Variants in IFT74 observed in about 807,000 individuals in gnomAD.
IFT74 encodes the protein intraflagellar transport protein 74 homolog.
In IFT74, 92 loss-of-function variants were observed where a neutral mutation model predicts 96.7. The ratio of observed to expected loss-of-function variants is 0.95; its 90% CI spans 0.80 to 1.13. The LOEUF is 1.13. Ranked by LOEUF, IFT74 falls within the 50% of genes most tolerant of loss-of-function variation. The pLI is 0.00. For synonymous variants in IFT74, 223 were observed against 213.2 expected (o/e 1.05, Z -0.40); for missense variants, 811 against 698.2 (o/e 1.16, Z -1.82).
At chr9:26,953,495 A>G (rs909355948), upstream of IFT74, among the ~76,000 whole-genome samples, 3 of 152,220 alleles carry the variant, frequency 2.0e-5, no homozygotes, top group African/African-American at 7.2e-5. Context: ...GTCAAAGGAC[A>G]TGTGCATTTG....
intron 14 of IFT74, among the ~76,000 whole-genome samples, chr9:27,045,048 A>G (rs992900522): frequency 6.6e-6 from 1 of 152,212 alleles, no homozygotes; most frequent in Non-Finnish European, 1.5e-5. Context: ...CGTAGTCTGT[A>G]CAGAGGAAAC....
At chr9:26,990,473 A>G (rs1827815582) in intron 8 of IFT74, among the ~76,000 whole-genome samples, 1 of 152,182 alleles carries the variant, frequency 6.6e-6, no homozygotes, top group Non-Finnish European at 1.5e-5. Context: ...ACATCTTTAT[A>G]TCTACTATTT....
At chr9:27,058,972 T>TATG (rs1564009707) in intron 18 of IFT74, among the ~76,000 whole-genome samples, 1 of 152,232 alleles carries the variant, frequency 6.6e-6, no homozygotes, top group Non-Finnish European at 1.5e-5. Flanking sequence ...GGGAGGTCAT[T>TATG]GTCTTCAGCA....
intron 2 of IFT74, among the ~76,000 whole-genome samples, chr9:26,967,272 T>A (rs1385519699): frequency 1.3e-5 from 2 of 152,120 alleles, no homozygotes; most frequent in African/African-American, 4.8e-5. Flanking sequence ...CTTCAGTTCA[T>A]TGCATCAGTG....
intron 2 of IFT74, among the ~76,000 whole-genome samples, chr9:26,966,974 C>G (rs1460800145): frequency 4.0e-5 from 6 of 151,742 alleles, no homozygotes; most frequent in African/African-American, 9.7e-5. Flanking sequence ...TGTGTTCACT[C>G]TAGATATATG....
At chr9:26,989,112 A>G (rs527874542) in intron 7 of IFT74, among the ~76,000 whole-genome samples, 1 of 152,336 alleles carries the variant, frequency 6.6e-6, no homozygotes, top group East Asian at 1.9e-4. Flanking sequence ...TCACCAGTGG[A>G]GAAAAATGAA....
rs569700665 is a variant in IFT74, at chr9:26,949,384, TAAA to T, written c.-20+2240_-20+2242del. ...CTGGAGCCCAACTCAATGTAAACAG[TAAA>T]ATGAAACTTAAGCTTAACTAACAGA... On this transcript the variant is annotated intron_variant, in intron 1 of 19. Coordinates refer to the IFT74 transcript ENST00000433700. Among the ~76,000 whole-genome samples, 20 of 152,298 alleles carry T rather than the reference TAAA, an allele frequency of 1.3e-4. No homozygotes were observed. The East Asian group carries it at 1.9e-3, about 15-fold the overall frequency.
chr9:26,982,206 A>G (rs1022229665), intron 4 of IFT74: 2 of 266,568 alleles, frequency 7.5e-6, no homozygotes, highest in African/African-American at 2.3e-5. Context: ...TAAGTTTTAC[A>G]TAAGTATGTA....
At chr9:27,024,787 C>T (rs1464178581) in intron 12 of IFT74, among the ~76,000 whole-genome samples, 1 of 151,750 alleles carries the variant, frequency 6.6e-6, no homozygotes, top group Non-Finnish European at 1.5e-5. Context: ...TGAAAAAAAT[C>T]TCCAGAGAAA....
intron 8 of IFT74, among the ~76,000 whole-genome samples, chr9:26,996,956 A>G (rs1828188772): frequency 6.6e-6 from 1 of 152,200 alleles, no homozygotes. Context: ...CATGCCTGTA[A>G]TCCCAGCACT....
chr9:26,988,795 C>T, intron 7 of IFT74, 67 bp downstream of exon 7: 1 of 1,325,106 alleles, frequency 7.5e-7, no homozygotes, highest in Non-Finnish European at 1.0e-6. Flanking sequence ...GCATTTATAT[C>T]TAGAAATAGT....
chr9:27,019,026 C>T (rs904714368), intron 12 of IFT74, among the ~76,000 whole-genome samples: 5 of 152,030 alleles, frequency 3.3e-5, no homozygotes, highest in African/African-American at 1.2e-4. Flanking sequence ...GACTGGAGTG[C>T]AAGTGGCATG....
At chr9:27,010,756 C>T (rs547501623) in intron 9 of IFT74, among the ~76,000 whole-genome samples, 40 of 152,210 alleles carry the variant, frequency 2.6e-4, no homozygotes, top group African/African-American at 9.1e-4. Context: ...GCGTGAGCCA[C>T]TGTGCCCGGC....
At chr9:26,973,075 G>T (rs901960565) in intron 2 of IFT74, among the ~76,000 whole-genome samples, 1 of 152,164 alleles carries the variant, frequency 6.6e-6, no homozygotes, top group African/African-American at 2.4e-5. Context: ...TTTTTGCCCA[G>T]AATGGGGATC....
chr9:26,992,514 G>A (rs1036685039), intron 8 of IFT74, among the ~76,000 whole-genome samples: 68 of 151,990 alleles, frequency 4.5e-4, no homozygotes, highest in African/African-American at 1.4e-3. Flanking sequence ...GCAATGTGGC[G>A]AAACTCTGTC....
intron 6 of IFT74, among the ~76,000 whole-genome samples, chr9:26,987,942 TTTG>T (rs558957842): frequency 2.5e-4 from 38 of 152,036 alleles, no homozygotes; most frequent in African/African-American, 6.3e-4. Flanking sequence ...AAATTTGTTT[TTTG>T]TTGTTGTTGT....
intron 9 of IFT74, among the ~76,000 whole-genome samples, chr9:27,010,267 G>A (rs1828992100): frequency 6.6e-6 from 1 of 151,982 alleles, no homozygotes; most frequent in Non-Finnish European, 1.5e-5. Flanking sequence ...GGTATTACAG[G>A]CATGAGCCAC....
intron 13 of IFT74, among the ~76,000 whole-genome samples, chr9:27,035,489 T>C (rs1194793706): frequency 6.6e-6 from 1 of 152,244 alleles, no homozygotes; most frequent in Non-Finnish European, 1.5e-5. Flanking sequence ...CTGAAACTTG[T>C]TAGAAATGCA....
chr9:26,984,716 CTGA>C (rs1411783770), intron 6 of IFT74, among the ~76,000 whole-genome samples, 157 bp downstream of exon 6: 3 of 152,148 alleles, frequency 2.0e-5, no homozygotes, highest in African/African-American at 7.2e-5. Flanking sequence ...CTCATCATCA[CTGA>C]TGATGATTAG....
Sources: allele counts gnomAD v4.1 joint callset (sites outside exome capture counted in the v4.1 genomes callset), GRCh38; gene constraint gnomAD v4.1.1; transcripts MANE v1.5; gene names NCBI Gene and HGNC (gene_info 2026-07-23, HGNC 2026-07-21).